Variants in ATP2B4 observed in about 807,000 individuals in gnomAD.
ATP2B4 encodes the protein plasma membrane calcium-transporting ATPase 4.
In ATP2B4, 39 loss-of-function variants were observed where a neutral mutation model predicts 110.3. The ratio of observed to expected loss-of-function variants is 0.35; its 90% CI spans 0.27 to 0.46. ATP2B4 has a LOEUF of 0.46. Among genes scored for constraint, ATP2B4 ranks in the 20% least tolerant of loss-of-function variants. The pLI is 1.00. For synonymous variants in ATP2B4, 538 were observed against 571.7 expected, an observed-to-expected ratio of 0.94 and a Z score of 0.84; for missense variants, 1,135 against 1,530.9, an observed-to-expected ratio of 0.74 and a Z score of 4.32.
chr1:203,706,108 T>C (rs1375245489), intron 8 of ATP2B4, among the ~76,000 whole-genome samples: 1 of 152,178 alleles, frequency 6.6e-6, no homozygotes, highest in African/African-American at 2.4e-5. Flanking sequence ...CCTCAAAGCA[T>C]CCAGGCAGCA....
chr1:203,701,051 A>C, intron 6 of ATP2B4, 128 bp downstream of exon 6: 1 of 1,272,052 alleles, frequency 7.9e-7, no homozygotes, highest in Non-Finnish European at 1.1e-6. Flanking sequence ...CAGATATCCA[A>C]ACTCCTTGCT....
At chr1:203,734,196 G>A (rs543231401) in intron 20 of ATP2B4, among the ~76,000 whole-genome samples, 41 of 151,950 alleles carry the variant, frequency 2.7e-4, no homozygotes, top group African/African-American at 8.7e-4. Context: ...ATAGCTACTC[G>A]GGAGGCTAAG....
At chr1:203,710,302 A>G (rs1179108538) in intron 11 of ATP2B4, among the ~76,000 whole-genome samples, 1 of 152,048 alleles carries the variant, frequency 6.6e-6, no homozygotes, top group Non-Finnish European at 1.5e-5. Context: ...CCCAGAAGGC[A>G]GAGGTTGCAG....
intron 20 of ATP2B4, chr1:203,729,544 CAAAAAA>C (rs5780193): frequency 4.0e-5 from 14 of 351,510 alleles, no homozygotes; most frequent in African/African-American, 1.1e-4. Context: ...GACTCTGTCT[CAAAAAA>C]AAAAAAAAAA....
At chr1:203,699,038 G>A (rs926355912) in intron 3 of ATP2B4, among the ~76,000 whole-genome samples, 7 of 152,140 alleles carry the variant, frequency 4.6e-5, no homozygotes, top group African/African-American at 1.7e-4. Flanking sequence ...GCCTCCCAGA[G>A]TGCTGGGATT....
intron 1 of ATP2B4, among the ~76,000 whole-genome samples, chr1:203,637,844 A>G (rs1171157429): frequency 6.6e-6 from 1 of 152,192 alleles, no homozygotes; most frequent in Non-Finnish European, 1.5e-5. Context: ...GGAGCTGAAG[A>G]CGGAGGAAAA....
intron 1 of ATP2B4, among the ~76,000 whole-genome samples, chr1:203,636,481 C>T (rs1663442801): frequency 6.6e-6 from 1 of 152,094 alleles, no homozygotes; most frequent in Non-Finnish European, 1.5e-5. Context: ...ATGTAGGTGA[C>T]GGCTATTAAT....
At chr1:203,685,804 T>C (rs1665161487) in intron 2 of ATP2B4, among the ~76,000 whole-genome samples, 1 of 152,212 alleles carries the variant, frequency 6.6e-6, no homozygotes, top group South Asian at 2.1e-4. Context: ...TTACTGAGAT[T>C]AAATAATACA....
At chr1:203,657,749 G>A (rs1056102286) in intron 1 of ATP2B4, 14 of 692,514 alleles carry the variant, frequency 2.0e-5, no homozygotes, top group Admixed American at 2.2e-5. Context: ...CAATATATTC[G>A]TTCTGTGGCA....
chr1:203,669,547 C>T (rs1376113313), intron 1 of ATP2B4, among the ~76,000 whole-genome samples: 2 of 152,156 alleles, frequency 1.3e-5, no homozygotes, highest in African/African-American at 4.8e-5. Flanking sequence ...AGCGATTCTC[C>T]TACCTCAGCC....
intron 12 of ATP2B4, among the ~76,000 whole-genome samples, chr1:203,711,340 G>A (rs573794962): frequency 6.6e-6 from 1 of 152,234 alleles, no homozygotes; most frequent in South Asian, 2.1e-4. Flanking sequence ...TCATTATTTG[G>A]TACTTAAGTG....
Position 203,698,361 on chromosome 1 carries a change from G to T in ATP2B4, c.391+7G>T. The T allele has an allele frequency of 6.2e-7, 1 of 1,613,746 alleles. No homozygotes were observed. Among genetic ancestry groups the T allele is most frequent in the South Asian group, 1.1e-5 (1 of 91,068 alleles). Reference sequence around the variant, plus strand: ...GCTGGTGAAGAAAATGAACGTGAGTGTCCTAAACAGCTCAGCGTGACTCTT... The same window carrying T: ...GCTGGTGAAGAAAATGAACGTGAGTTTCCTAAACAGCTCAGCGTGACTCTT... On this transcript the variant is annotated splice_region_variant and intron_variant, in intron 3 of 20. Coordinates refer to ENST00000357681, the MANE Select transcript of ATP2B4 (RefSeq NM_001684.5).
At chr1:203,659,913 C>A (rs1193444615) in intron 1 of ATP2B4, among the ~76,000 whole-genome samples, 2 of 151,954 alleles carry the variant, frequency 1.3e-5, no homozygotes, top group African/African-American at 4.8e-5. Context: ...GAAATCCTGT[C>A]TCTACTAAAA....
intron 20 of ATP2B4, 133 bp downstream of exon 20, chr1:203,727,704 A>G (rs564156171): frequency 9.0e-7 from 1 of 1,113,162 alleles, no homozygotes; most frequent in African/African-American, 1.6e-5. Context: ...GCAGCCCTAG[A>G]TCCTCAGCTT....
At chr1:203,648,188 C>T (rs557767965) in intron 1 of ATP2B4, among the ~76,000 whole-genome samples, 2 of 152,112 alleles carry the variant, frequency 1.3e-5, no homozygotes, top group South Asian at 4.2e-4. Flanking sequence ...TTGGAGAGAA[C>T]CATAAAGATT....
Position 203,722,634 on chromosome 1 carries a change from G to A in ATP2B4, c.2969G>A (p.Gly990Asp). 1 of 1,614,144 alleles carries A rather than the reference G, an allele frequency of 6.2e-7. No homozygotes were observed. Among genetic ancestry groups the A allele is most frequent in the African/African-American group, 1.3e-5 (1 of 75,030 alleles). Residue 990 changes from glycine to aspartate, a missense_variant, in exon 18 of 21, where the codon GGC (glycine) becomes GAC (aspartate). Transcript: ENST00000357681. The part of the protein sequence containing the change: ...KIHGEKNVFS[G>D]IYRNIIFCSV... ...CATGGAGAGAAGAACGTCTTTTCAG[G>A]CATCTACCGCAACATTATCTTCTGC...
intron 1 of ATP2B4, among the ~76,000 whole-genome samples, chr1:203,681,608 T>G (rs79827492): frequency 2.0e-5 from 3 of 152,068 alleles, no homozygotes; most frequent in African/African-American, 7.2e-5. Context: ...ACTCTGAAAC[T>G]GAGAAGGGGC....
chr1:203,714,488 A>G (rs1000619526), intron 15 of ATP2B4, among the ~76,000 whole-genome samples: 3 of 152,246 alleles, frequency 2.0e-5, no homozygotes, highest in African/African-American at 4.8e-5. Context: ...GAGGGAAGTC[A>G]TGAAGAATCA....
chr1:203,636,350 C>CGTCG (rs1420228364), intron 1 of ATP2B4, among the ~76,000 whole-genome samples: 12 of 152,268 alleles, frequency 7.9e-5, no homozygotes, highest in Admixed American at 5.2e-4. Flanking sequence ...CCATCCTGAT[C>CGTCG]GTCGCTCTGG....
Sources: allele counts gnomAD v4.1 joint callset (sites outside exome capture counted in the v4.1 genomes callset), GRCh38; gene constraint gnomAD v4.1.1; transcripts MANE v1.5; gene names NCBI Gene and HGNC (gene_info 2026-07-23, HGNC 2026-07-21).